RBKS: variants seen among roughly 807,000 people sequenced by gnomAD.
RBKS encodes the protein ribokinase.
Under a neutral mutation model 33.9 loss-of-function variants are expected in RBKS, and 33 were observed. The observed-to-expected ratio is 0.97, with a 90% confidence interval of 0.74 to 1.30. The LOEUF (loss-of-function observed/expected upper bound fraction) is 1.30. Among genes scored for constraint, RBKS ranks in the 50% most tolerant of loss-of-function variants. The probability of loss-of-function intolerance (pLI) is 0.00; values close to 1 mark genes in which losing one functional copy is unlikely to be tolerated. For missense variants in RBKS, 361 were observed against 392.6 expected (o/e 0.92, Z 0.68); for synonymous variants, 125 against 143.0 (o/e 0.87, Z 0.90).
intron 7 of RBKS, among the ~76,000 whole-genome samples, chr2:27,789,941 G>GTGTATATATATATATATATATA (rs1558533050): frequency 1.0e-5 from 1 of 96,520 alleles, no homozygotes; most frequent in Non-Finnish European, 2.0e-5. Context: ...ATATATATAT[G>GTGTATATATATATATATATATA]TATATGTGTA....
intron 7 of RBKS, chr2:27,782,668 GGTGT>G (rs1247701257): frequency 4.3e-6 from 2 of 461,222 alleles, no homozygotes; most frequent in Non-Finnish European, 9.1e-6. Context: ...TCTTACTGAT[GGTGT>G]TAACCCTGGT....
intron 7 of RBKS, 44 bp downstream of exon 7, chr2:27,827,523 C>T (rs781733794): frequency 6.8e-7 from 1 of 1,469,420 alleles, no homozygotes; most frequent in African/African-American, 1.4e-5. Flanking sequence ...TACTAAGTAA[C>T]AATTTTCAAA....
intron 7 of RBKS, among the ~76,000 whole-genome samples, chr2:27,801,982 ATATATATATATTTTTTTT>A (rs1277838375): frequency 1.0e-5 from 1 of 95,418 alleles, no homozygotes; most frequent in African/African-American, 4.6e-5. Context: ...ATATATATAT[ATATATATATATTTTTTTT>A]TTTTTTTTTT....
At chr2:27,844,556 C>T (rs1663583323) in intron 4 of RBKS, among the ~76,000 whole-genome samples, 1 of 151,942 alleles carries the variant, frequency 6.6e-6, no homozygotes, top group South Asian at 2.1e-4. Flanking sequence ...CCACGCCTGG[C>T]TAATTTTTTT....
At chr2:27,836,855 A>C (rs1402906599) in intron 5 of RBKS, among the ~76,000 whole-genome samples, 1 of 152,250 alleles carries the variant, frequency 6.6e-6, no homozygotes, top group Non-Finnish European at 1.5e-5. Context: ...ACATTTCTCA[A>C]AAGAAGATAC....
chr2:27,882,946 G>T (rs1206582903), intron 1 of RBKS, among the ~76,000 whole-genome samples: 1 of 152,044 alleles, frequency 6.6e-6, no homozygotes, highest in Non-Finnish European at 1.5e-5. Context: ...GGTGAAAGGA[G>T]GGAAGAGGAT....
At chr2:27,869,939 G>C (rs1223646564) in intron 1 of RBKS, 1 of 152,284 alleles carries the variant, frequency 6.6e-6, no homozygotes, top group Non-Finnish European at 1.5e-5. Flanking sequence ...CGGACTGTGT[G>C]AAGATTTGAA....
intron 2 of RBKS, among the ~76,000 whole-genome samples, chr2:27,851,394 A>G (rs2148215837): frequency 6.6e-6 from 1 of 152,064 alleles, no homozygotes; most frequent in Non-Finnish European, 1.5e-5. Flanking sequence ...ACCATCTTAT[A>G]TTGTTGGCGA....
In RBKS at chr2:27,810,037, A is replaced by AG; in HGVS notation, c.795+17529dup. 6 of 1,304,294 alleles carry AG rather than the reference A, an allele frequency of 4.6e-6. No homozygotes were observed. The highest frequency in any genetic ancestry group is 6.1e-6 in the Non-Finnish European group (6 of 988,970). 80.8% of individuals were successfully genotyped at this position (1,304,294 alleles called of 1,614,324 possible). A position where few individuals can be genotyped will look rare whatever the true frequency, so the allele number is the denominator to read the frequency against. On this transcript the variant is annotated intron_variant, in intron 7 of 7. Coordinates refer to ENST00000302188, the MANE Select transcript of RBKS (RefSeq NM_022128.3). The surrounding 1 kb of genome is among the most constrained non-coding windows in gnomAD (Gnocchi z 4.4). ...CTGCTTCACTCTTGGGTCTTGAGCC[A>AG]GGTCTACACTGTGAAAATGAAGGAA...
chr2:27,820,523 A>G (rs950556289), intron 7 of RBKS, among the ~76,000 whole-genome samples: 1 of 151,694 alleles, frequency 6.6e-6, no homozygotes, highest in Non-Finnish European at 1.5e-5. Flanking sequence ...TTTTTGTAGG[A>G]TAGACTCTTA....
At chr2:27,784,430 A>G (rs1677359860) in intron 7 of RBKS, among the ~76,000 whole-genome samples, 1 of 152,228 alleles carries the variant, frequency 6.6e-6, no homozygotes, top group Non-Finnish European at 1.5e-5. Context: ...TTAATGGGCT[A>G]TGTGCCCAGC....
At chr2:27,804,194 T>C (rs1677854683) in intron 7 of RBKS, among the ~76,000 whole-genome samples, 1 of 152,242 alleles carries the variant, frequency 6.6e-6, no homozygotes, top group Non-Finnish European at 1.5e-5. Flanking sequence ...TCATTAGCTA[T>C]TGGATTTAAA....
chr2:27,890,173 G>C lies in RBKS; in HGVS notation c.89+84C>G, dbSNP rs1254877352. 6 of 1,322,506 alleles carry C rather than the reference G, an allele frequency of 4.5e-6. No homozygotes were observed. The highest frequency in any genetic ancestry group is 6.4e-6 in the Non-Finnish European group (6 of 933,154). 81.9% of individuals were successfully genotyped at this position (1,322,506 alleles called of 1,614,324 possible). A position where few individuals can be genotyped will look rare whatever the true frequency, so the allele number is the denominator to read the frequency against. ...AGCACTGTCTATCCCTGGAGACCCAGCGCCCAAAAGCTCCACTGGGCGCAT... is the reference window on the plus strand; with the variant it reads ...AGCACTGTCTATCCCTGGAGACCCACCGCCCAAAAGCTCCACTGGGCGCAT... On this transcript the variant is annotated intron_variant, in intron 1 of 7. Coordinates refer to ENST00000302188, the MANE Select transcript of RBKS (RefSeq NM_022128.3). This position sits in a 1 kb window ranked among gnomAD's most constrained non-coding sequence, Gnocchi z 4.8.
At position 27,837,655 on chromosome 2, in the gene RBKS, A is replaced by T. The variant is rs1336289801; in HGVS notation, c.515-4878T>A. Among the ~76,000 whole-genome samples the T allele has an allele frequency of 6.6e-6, 1 of 152,236 alleles. No homozygotes were observed. The highest frequency in any genetic ancestry group is 1.9e-4 in the East Asian group (1 of 5,196). On this transcript the variant is annotated intron_variant, in intron 5 of 7. Coordinates refer to ENST00000302188, the MANE Select transcript of RBKS (RefSeq NM_022128.3). This position sits in a 1 kb window ranked among gnomAD's most constrained non-coding sequence, Gnocchi z 4.0. ...GAATACTATGTAGCCGTAAAAAGGA[A>T]TGAAATCATGTCCTTGGCAGCAACA...
chr2:27,854,298 G>C (rs1379612684), intron 2 of RBKS, among the ~76,000 whole-genome samples: 1 of 152,132 alleles, frequency 6.6e-6, no homozygotes, highest in African/African-American at 2.4e-5. Flanking sequence ...GTGCTGTTTG[G>C]ACCGGTGACA....
At chr2:27,844,472 A>G (rs1479250741) in intron 4 of RBKS, among the ~76,000 whole-genome samples, 1 of 152,050 alleles carries the variant, frequency 6.6e-6, no homozygotes, top group Non-Finnish European at 1.5e-5. Flanking sequence ...GGCTCACTGC[A>G]GCCTCCACCT....
chr2:27,807,828 C>A (rs1677922531), intron 7 of RBKS, among the ~76,000 whole-genome samples: 1 of 151,960 alleles, frequency 6.6e-6, no homozygotes, highest in African/African-American at 2.4e-5. Context: ...GGGGGGGAAT[C>A]CCAGCAGAAA....
At chr2:27,884,384 C>T (rs927611625) in intron 1 of RBKS, among the ~76,000 whole-genome samples, 1 of 152,106 alleles carries the variant, frequency 6.6e-6, no homozygotes, top group Non-Finnish European at 1.5e-5. Flanking sequence ...GTAGCTGGGA[C>T]TACAGGCTCA....
intron 2 of RBKS, among the ~76,000 whole-genome samples, chr2:27,853,190 A>AC (rs1391489994): frequency 2.0e-5 from 3 of 151,968 alleles, no homozygotes; most frequent in Non-Finnish European, 2.9e-5. Context: ...ACACAGCAAG[A>AC]CCCCATCTCT....
Sources: gnomAD v4.1 joint callset for allele counts (sites outside exome capture counted in the v4.1 genomes callset) on GRCh38, gnomAD v4.1.1 for gene constraint, Gnocchi (gnomAD v3.1) non-coding constraint, MANE v1.5 for transcripts, NCBI Gene and HGNC (gene_info 2026-07-23, HGNC 2026-07-21) for gene names.